PDS5A: variants seen among roughly 807,000 people sequenced by gnomAD.
PDS5A encodes sister chromatid cohesion protein PDS5 homolog A.
In PDS5A, 42 loss-of-function variants were observed where a neutral mutation model predicts 167.1. The observed-to-expected ratio is 0.25, with a 90% CI of 0.20 to 0.33. The LOEUF (loss-of-function observed/expected upper bound fraction) is 0.33, where lower values mean the gene tolerates loss of function less well. Ranked by LOEUF, PDS5A falls within the 10% of genes least tolerant of loss-of-function variation. PDS5A has a pLI of 1.00. For synonymous variants in PDS5A, 553 were observed against 554.6 expected (o/e 1.00, Z 0.04); for missense variants, 1,033 against 1,605.9 (o/e 0.64, Z 6.10).
At chr4:39,924,471 G>T (rs1466612993) in intron 5 of PDS5A, among the ~76,000 whole-genome samples, 1 of 152,190 alleles carries the variant, frequency 6.6e-6, no homozygotes, top group Non-Finnish European at 1.5e-5. Flanking sequence ...ATGCCAAGCT[G>T]GAGTGATCCT....
At chr4:39,853,959 C>T (rs530651137) in intron 26 of PDS5A, among the ~76,000 whole-genome samples, 3 of 152,174 alleles carry the variant, frequency 2.0e-5, no homozygotes, top group Non-Finnish European at 4.4e-5. Flanking sequence ...ATTCAAAGGA[C>T]ACGTATTAGC....
intron 26 of PDS5A, among the ~76,000 whole-genome samples, chr4:39,851,535 G>C (rs1718123781): frequency 6.6e-6 from 1 of 152,104 alleles, no homozygotes; most frequent in Admixed American, 6.6e-5. Flanking sequence ...CAATCTACCT[G>C]CCTTGGCCTC....
chr4:39,889,697 A>G (rs2109618216), intron 17 of PDS5A, among the ~76,000 whole-genome samples: 1 of 152,354 alleles, frequency 6.6e-6, no homozygotes, highest in African/African-American at 2.4e-5. Flanking sequence ...CCTTTTATAT[A>G]TTACCTCAAA....
At chr4:39,900,113 T>C (rs1028413142) in intron 14 of PDS5A, among the ~76,000 whole-genome samples, 3 of 152,148 alleles carry the variant, frequency 2.0e-5, no homozygotes, top group Non-Finnish European at 4.4e-5. Context: ...GAAAAAGAAA[T>C]ATGATGTTTA....
Position 39,839,694 on chromosome 4 carries a change from G to C in PDS5A, c.3658-1486C>G, listed in dbSNP as rs1347683332. On this transcript the variant is annotated intron_variant, in intron 31 of 32. Coordinates refer to ENST00000303538, the MANE Select transcript of PDS5A (RefSeq NM_001100399.2). ...CCCAAGGGTAATATCTAAAATATTT[G>C]ATGACTACAATAAGTATATGGTGAG... Among the ~76,000 whole-genome samples, 4 of 130,676 alleles carry C rather than the reference G, an allele frequency of 3.1e-5. No homozygotes were observed. In the East Asian group the frequency reaches 8.9e-4, roughly 29 times the overall value. The allele number at this position is 130,676 out of a possible 152,430, so 85.7% of individuals were successfully genotyped here. A position where few individuals can be genotyped will look rare whatever the true frequency, so the allele number is the denominator to read the frequency against.
chr4:39,863,180 G>C (rs1719140979), intron 24 of PDS5A, 107 bp from the exon 25 acceptor site: 1 of 953,796 alleles, frequency 1.0e-6, no homozygotes, highest in African/African-American at 1.7e-5. Context: ...TTATATGGGA[G>C]AATAAATAAT....
At chr4:39,872,322 G>GCC (rs1318969255) in intron 21 of PDS5A, among the ~76,000 whole-genome samples, 1 of 151,688 alleles carries the variant, frequency 6.6e-6, no homozygotes, top group Non-Finnish European at 1.5e-5. Flanking sequence ...GATTACAGCT[G>GCC]CCGTCACCAC....
At chr4:39,861,845 A>G (rs1401556177) in intron 26 of PDS5A, among the ~76,000 whole-genome samples, 1 of 152,244 alleles carries the variant, frequency 6.6e-6, no homozygotes, top group South Asian at 2.1e-4. Flanking sequence ...AGAGAGAACA[A>G]AGAATAAAAA....
chr4:39,831,799 C>G (rs987672476), intron 32 of PDS5A, among the ~76,000 whole-genome samples: 1 of 129,250 alleles, frequency 7.7e-6, no homozygotes, highest in Non-Finnish European at 1.6e-5. Context: ...ATTGCTTGGA[C>G]TGGAAGGCGG....
At chr4:39,911,395 CAAA>C (rs140894540) in intron 9 of PDS5A, among the ~76,000 whole-genome samples, 2 of 128,562 alleles carry the variant, frequency 1.6e-5, no homozygotes, top group East Asian at 2.2e-4. Context: ...GACTCCGTCT[CAAA>C]AAAAAAAAAA....
intron 2 of PDS5A, among the ~76,000 whole-genome samples, chr4:39,947,878 T>C (rs978889826): frequency 6.6e-6 from 1 of 152,150 alleles, no homozygotes; most frequent in Admixed American, 6.5e-5. Flanking sequence ...TTCCCAACAC[T>C]GCTGCAATGA....
chr4:39,835,864 C>T (rs560619408), intron 32 of PDS5A, among the ~76,000 whole-genome samples: 2 of 152,252 alleles, frequency 1.3e-5, no homozygotes, highest in East Asian at 3.9e-4. Context: ...GGTACAGGGA[C>T]AGCTAATGGG....
chr4:39,878,622 C>T (rs998679486), intron 18 of PDS5A, among the ~76,000 whole-genome samples: 1 of 152,002 alleles, frequency 6.6e-6, no homozygotes, highest in African/African-American at 2.4e-5. Flanking sequence ...AAAAAGCAAT[C>T]TATTAAAAAA....
intron 32 of PDS5A, 24 bp from the exon 33 acceptor site, chr4:39,825,512 A>G (rs767876758): frequency 1.9e-6 from 3 of 1,550,506 alleles, no homozygotes; most frequent in African/African-American, 1.4e-5. Flanking sequence ...ATAGAACGCA[A>G]AGTTAGAAAA....
chr4:39,975,247 AT>A (rs1425154912), intron 2 of PDS5A, among the ~76,000 whole-genome samples: 2 of 152,094 alleles, frequency 1.3e-5, no homozygotes, highest in African/African-American at 2.4e-5. Context: ...CCGCACACAG[AT>A]TTGTTTTAAT....
chr4:39,920,239 T>C, intron 7 of PDS5A, 80 bp downstream of exon 7: 1 of 609,592 alleles, frequency 1.6e-6, no homozygotes. Flanking sequence ...AAATAAACTT[T>C]TATGTAAGAG....
At chr4:39,867,531 A>T (rs1012805999) in intron 22 of PDS5A, among the ~76,000 whole-genome samples, 2 of 147,304 alleles carry the variant, frequency 1.4e-5, no homozygotes, top group Non-Finnish European at 3.0e-5. Context: ...TGTCTATACT[A>T]AAAAACCCCG....
intron 5 of PDS5A, among the ~76,000 whole-genome samples, 164 bp downstream of exon 5, chr4:39,925,672 A>G (rs752678010): frequency 6.6e-6 from 1 of 152,352 alleles, no homozygotes; most frequent in South Asian, 2.1e-4. Context: ...GGTCAAAGGC[A>G]GTGTTCGGAC....
chr4:39,840,762 C>G (rs1716927633), intron 31 of PDS5A, among the ~76,000 whole-genome samples: 1 of 151,966 alleles, frequency 6.6e-6, no homozygotes, highest in Admixed American at 6.6e-5. Flanking sequence ...CAGGGTTTCA[C>G]TTCAGGTGAT....
Sources: allele counts gnomAD v4.1 joint callset (sites outside exome capture counted in the v4.1 genomes callset), GRCh38; gene constraint gnomAD v4.1.1; transcripts MANE v1.5; gene names NCBI Gene and HGNC (gene_info 2026-07-23, HGNC 2026-07-21).